The following FBXL18 variants were observed in gnomAD, a reference collection of about 807,000 sequenced individuals.
FBXL18 encodes F-box and leucine rich repeat protein 18, also known as F-box/LRR-repeat protein 18.
Under a neutral mutation model 46.0 loss-of-function variants are expected in FBXL18, and 36 were observed. That is an observed-to-expected ratio of 0.78 (90% CI 0.60 to 1.03). The LOEUF (loss-of-function observed/expected upper bound fraction) is 1.03. Ranked by LOEUF, FBXL18 falls within the 50% of genes least tolerant of loss-of-function variation. FBXL18 has a pLI of 0.00. For synonymous variants in FBXL18, 557 were observed against 465.3 expected, an observed-to-expected ratio of 1.20 and a Z score of -2.54; for missense variants, 977 against 1,004.1, an observed-to-expected ratio of 0.97 and a Z score of 0.36.
intron 3 of FBXL18, among the ~76,000 whole-genome samples, chr7:5,499,130 G>C (rs1391119450): frequency 6.6e-6 from 1 of 152,084 alleles, no homozygotes; most frequent in Non-Finnish European, 1.5e-5. Context: ...CTAGTCCCAA[G>C]GACCATCACC....
downstream of FBXL18, among the ~76,000 whole-genome samples, chr7:5,472,212 C>A (rs1305707593): frequency 6.6e-6 from 1 of 152,174 alleles, no homozygotes; most frequent in African/African-American, 2.4e-5. Flanking sequence ...AGGCCAAGGC[C>A]AACACCAACA....
At chr7:5,466,619 C>T (rs6946009) in intron 4 of FBXL18, among the ~76,000 whole-genome samples, 23,793 of 152,186 alleles carry the variant, frequency 0.16, 2,010 homozygotes, top group South Asian at 0.26. Context: ...TCCGCTGATC[C>T]GCAACTTCCG....
rs911203703 is a variant in FBXL18 at position 5,476,734 on chromosome 7, G to C, written c.*5041C>G. On this transcript the variant is annotated 3_prime_UTR_variant, in exon 5 of 5. Coordinates refer to ENST00000382368, the MANE Select transcript of FBXL18 (RefSeq NM_024963.6). ...TCCTCCTGCCCCAGCCTCCCAAAGT[G>C]CTGGGATGACAGGCGTGAACCACCA... is the stretch of plus-strand genomic sequence containing the variant. 2.6e-5 allele frequency: 4 copies of C among 152,496 alleles called. No individual in the cohort carries two copies. Among genetic ancestry groups the C allele is most frequent in the Non-Finnish European group, 5.9e-5 (4 of 68,344 alleles). 9.4% of individuals were successfully genotyped at this position (152,496 alleles called of 1,614,324 possible). A position where few individuals can be genotyped will look rare whatever the true frequency, so the allele number is the denominator to read the frequency against.
intron 1 of FBXL18, among the ~76,000 whole-genome samples, chr7:5,511,062 T>C (rs1784518796): frequency 6.6e-6 from 1 of 152,266 alleles, no homozygotes; most frequent in Non-Finnish European, 1.5e-5. Context: ...TTTTGCCATG[T>C]TGCCCAGGCT....
intron 4 of FBXL18, among the ~76,000 whole-genome samples, chr7:5,484,565 T>G (rs1783727465): frequency 6.7e-6 from 1 of 149,668 alleles, no homozygotes; most frequent in Admixed American, 6.7e-5. Flanking sequence ...CAGACTGGAG[T>G]GCAGTGGCAC....
At position 5,479,593 on chromosome 7, in the gene FBXL18, C is replaced by T. The variant is rs1342764271; in HGVS notation, c.*2182G>A. 6.6e-6 allele frequency: 1 copy of T among 152,288 alleles called. No individual in the cohort carries two copies. Among genetic ancestry groups the T allele is most frequent in the African/African-American group, 2.4e-5 (1 of 41,468 alleles). The allele number at this position is 152,288 out of a possible 1,614,324, so 9.4% of individuals were successfully genotyped here. ...GGGTGCTCCCACCACCTCTGAGACC[C>T]TCATCTACAGCCCCTGCCCCCTGGG... is the stretch of plus-strand genomic sequence containing the variant. On this transcript the variant is annotated 3_prime_UTR_variant, in exon 5 of 5. Coordinates refer to ENST00000382368, the MANE Select transcript of FBXL18 (RefSeq NM_024963.6).
At chr7:5,492,022 G>C (rs145070868) in intron 3 of FBXL18, among the ~76,000 whole-genome samples, 51 of 151,728 alleles carry the variant, frequency 3.4e-4, no homozygotes, top group African/African-American at 1.2e-3. Context: ...ACAGATGGGA[G>C]GACAGCGCTG....
chr7:5,500,493 G>T lies in FBXL18; in HGVS notation c.1776C>A (p.Asp592Glu). ...DMLKHCKRLR[D>E]LRLEQPYFSA... is the part of the protein sequence containing the mutation. ...GGTCCCCGCGGCCCCCTCACCTGAG[G>T]TCCCTCAGCCGCTTGCAGTGCTTCA... Residue 592 changes from aspartate to glutamate, a missense_variant, in exon 3 of 5, where the codon GAC (aspartate) becomes GAA (glutamate). Coordinates refer to ENST00000382368, the MANE Select transcript of FBXL18 (RefSeq NM_024963.6). 2 of 1,598,256 alleles carry T rather than the reference G, an allele frequency of 1.3e-6. No individual in the cohort carries two copies. The highest frequency in any genetic ancestry group is 1.7e-6 in the Non-Finnish European group (2 of 1,170,254).
At chr7:5,469,608 G>A (rs6961091) in intron 4 of FBXL18, among the ~76,000 whole-genome samples, 23,851 of 151,876 alleles carry the variant, frequency 0.16, 1,959 homozygotes, top group South Asian at 0.28. Flanking sequence ...GAGAACGTGT[G>A]TGGTGTGGGT....
intron 4 of FBXL18, among the ~76,000 whole-genome samples, chr7:5,463,728 A>ATTTTATTTTTTTT (rs1783295662): frequency 1.9e-5 from 1 of 53,034 alleles, no homozygotes; most frequent in African/African-American, 8.0e-5. Flanking sequence ...TTATTTATTT[A>ATTTTATTTTTTTT]TTTTTTTTTT....
At chr7:5,489,484 A>ATAC in intron 4 of FBXL18, 1 of 360,782 alleles carries the variant, frequency 2.8e-6, no homozygotes, top group South Asian at 2.1e-5. Context: ...AAAATACAAA[A>ATAC]ATTAGGCCGG....
rs1783533059 is a variant in FBXL18 at position 5,477,036 on chromosome 7, C to CG, written c.*4738dup. On this transcript the variant is annotated 3_prime_UTR_variant, in exon 5 of 5. Transcript: ENST00000382368. This position sits in a 1 kb window ranked among gnomAD's most constrained non-coding sequence, Gnocchi z 4.4. The stretch of plus-strand genomic sequence containing the variant: ...CTGAGTGGCTGGGACCACAGGCGCC[C>CG]GCCACCACACCCGACTACTTTTTTG... 1 of 152,028 alleles carries CG rather than the reference C, an allele frequency of 6.6e-6. No individual in the cohort carries two copies. Among genetic ancestry groups the CG allele is most frequent in the Non-Finnish European group, 1.5e-5 (1 of 68,082 alleles). The allele number at this position is 152,028 out of a possible 1,614,324, so 9.4% of individuals were successfully genotyped here.
chr7:5,513,701 G>T lies in FBXL18; in HGVS notation c.-27C>A. 2 of 1,596,340 alleles carry T rather than the reference G, an allele frequency of 1.3e-6. No homozygotes were observed. Among genetic ancestry groups the T allele is most frequent in the Non-Finnish European group, 1.7e-6 (2 of 1,171,886 alleles). ...TCGCCGGCGGGTCCGAACCGCGGCC[G>T]CGGGATCCGCAACCCCGTGCCTCCC... On this transcript the variant is annotated 5_prime_UTR_variant, in exon 1 of 5. Transcript: ENST00000382368.
chr7:5,468,567 A>T (rs1783381069), intron 4 of FBXL18, among the ~76,000 whole-genome samples: 1 of 152,198 alleles, frequency 6.6e-6, no homozygotes. Context: ...TTTCTAGAAA[A>T]GGAACATAAT....
At chr7:5,497,673 C>T (rs1035066610) in intron 3 of FBXL18, among the ~76,000 whole-genome samples, 3 of 152,168 alleles carry the variant, frequency 2.0e-5, no homozygotes, top group African/African-American at 7.2e-5. Context: ...TTACAAGGGG[C>T]GCCCTTATCT....
At chr7:5,512,071 TAAA>T (rs71735907) in intron 1 of FBXL18, among the ~76,000 whole-genome samples, 47,530 of 130,518 alleles carry the variant, frequency 0.36, 8,132 homozygotes, top group Admixed American at 0.42. Context: ...CCGTCTCTAG[TAAA>T]AAAAAAAAAA....
chr7:5,490,080 G>C (rs577930707), intron 4 of FBXL18: 1 of 1,359,494 alleles, frequency 7.4e-7, no homozygotes, highest in South Asian at 1.1e-5. Flanking sequence ...GCGGCCGACC[G>C]CAAGGACAAC....
chr7:5,501,155 T>C lies in FBXL18; in HGVS notation c.1114A>G (p.Ser372Gly). The C allele has an allele frequency of 6.2e-7, 1 of 1,613,152 alleles. No individual in the cohort carries two copies. Among genetic ancestry groups the C allele is most frequent in the Non-Finnish European group, 8.5e-7 (1 of 1,179,860 alleles). The change falls in exon 3 of 5, where the codon AGC becomes GGC. Residue 372 changes from serine (S) to glycine (G), a missense_variant. Transcript: ENST00000382368. ...LLRKAEDDID[S>G]SILETLVASC... ...GCCACCAGAGTCTCCAGGATGCTGC[T>C]GTCGATGTCGTCCTCCGCCTTGCGG... is the stretch of plus-strand genomic sequence containing the variant.
intron 1 of FBXL18, among the ~76,000 whole-genome samples, chr7:5,506,010 G>A (rs963164810): frequency 2.0e-5 from 3 of 152,006 alleles, no homozygotes; most frequent in South Asian, 2.1e-4. Context: ...GACTACAGAC[G>A]CATGCCACTT....
Sources: allele counts gnomAD v4.1 joint callset (sites outside exome capture counted in the v4.1 genomes callset), GRCh38; gene constraint gnomAD v4.1.1; non-coding constraint Gnocchi (gnomAD v3.1); transcripts MANE v1.5; gene names NCBI Gene and HGNC (gene_info 2026-07-23, HGNC 2026-07-21).